The following C6orf52 variants were observed in gnomAD, a reference collection of about 807,000 sequenced individuals.
The protein encoded by C6orf52 is putative uncharacterized protein C6orf52.
In C6orf52, 16 loss-of-function variants were observed where a neutral mutation model predicts 16.6. That is an observed-to-expected ratio of 0.96 (90% CI 0.65 to 1.46). C6orf52 has a LOEUF of 1.46. C6orf52 is among the 40% of genes most tolerant of loss of function. The pLI is 0.00. For missense variants in C6orf52, 166 were observed against 182.3 expected (o/e 0.91, Z 0.52); for synonymous variants, 53 against 61.4 (o/e 0.86, Z 0.64).
chr6:10,694,604 CCGG>C lies in C6orf52; in HGVS notation c.-125_-123del. ...TGCCGGCGCTACAGCCCCTAAGCAA[CCGG>C]CCGGAAGTCGGCCCCACCTCCTCCT... On this transcript the variant is annotated 5_prime_UTR_variant, in exon 1 of 5. Coordinates refer to ENST00000259983, the MANE Select transcript of C6orf52 (RefSeq NM_001145020.3). The C allele has an allele frequency of 1.1e-4, 22 of 196,366 alleles. No individual in the cohort carries two copies. Among genetic ancestry groups the C allele is most frequent in the Admixed American group, 3.8e-4 (7 of 18,282 alleles). The allele number at this position is 196,366 out of a possible 1,614,324, so 12.2% of individuals were successfully genotyped here.
rs1315400068 is a variant in C6orf52, at chr6:10,687,546, G to A, written c.5C>T (p.Ala2Val). 5.2e-6 allele frequency: 8 copies of A among 1,548,496 alleles called. No homozygotes were observed. The highest frequency in any genetic ancestry group is 7.0e-6 in the Non-Finnish European group (8 of 1,144,634). The change falls in exon 2 of 5, where the codon GCC (alanine) becomes GTC (valine). Residue 2 changes from alanine (A) to valine (V), a missense_variant. Transcript: ENST00000259983. Reference sequence around the variant, plus strand: ...AAAATCTGCAGAACTCTCTGGTTGGGCCATTTACCCAGAAACTTTACAAAA... The same window carrying A: ...AAAATCTGCAGAACTCTCTGGTTGGACCATTTACCCAGAAACTTTACAAAA... Reference protein sequence around the residue: MAQPESSADFGI... With the variant: MVQPESSADFGI...
chr6:10,685,671 C>A (rs1162671884), intron 3 of C6orf52, among the ~76,000 whole-genome samples: 1 of 152,130 alleles, frequency 6.6e-6, no homozygotes, highest in Admixed American at 6.5e-5. Context: ...AAGAGGGACA[C>A]AACTCAACAG....
intron 1 of C6orf52, among the ~76,000 whole-genome samples, chr6:10,689,250 C>G (rs1769092107): frequency 6.6e-6 from 1 of 152,202 alleles, no homozygotes; most frequent in East Asian, 1.9e-4. Context: ...GGATTACAGG[C>G]GTGAGCCACC....
chr6:10,681,865 T>C (rs1484017508), intron 4 of C6orf52, among the ~76,000 whole-genome samples: 1 of 152,212 alleles, frequency 6.6e-6, no homozygotes, highest in African/African-American at 2.4e-5. Context: ...CCCAAGTCAT[T>C]GTGCACAGGG....
At chr6:10,688,209 T>TA (rs1561880328) in intron 1 of C6orf52, among the ~76,000 whole-genome samples, 33 of 151,484 alleles carry the variant, frequency 2.2e-4, no homozygotes, top group African/African-American at 2.9e-4. Context: ...GTTTTTTTTT[T>TA]TAAAAAAAGC....
chr6:10,694,850 C>A, upstream of C6orf52: 1 of 637,936 alleles, frequency 1.6e-6, no homozygotes, highest in South Asian at 1.9e-5. Flanking sequence ...GACTTAAAGG[C>A]AGCCCTGGAG....
intron 4 of C6orf52, chr6:10,672,733 C>T: frequency 1.9e-6 from 1 of 513,600 alleles, no homozygotes; most frequent in Non-Finnish European, 3.4e-6. Flanking sequence ...AGTGTGGAAA[C>T]AGCAAGAAGG....
intron 1 of C6orf52, among the ~76,000 whole-genome samples, chr6:10,690,876 A>G (rs1769230440): frequency 6.6e-6 from 1 of 152,198 alleles, no homozygotes; most frequent in Non-Finnish European, 1.5e-5. Flanking sequence ...ATTTACAGGA[A>G]GTTATGCTCA....
intron 4 of C6orf52, among the ~76,000 whole-genome samples, chr6:10,680,994 G>A (rs1228069508): frequency 1.3e-5 from 2 of 152,096 alleles, no homozygotes; most frequent in East Asian, 1.9e-4. Flanking sequence ...TAGAGACAAG[G>A]TCTCACTGTA....
chr6:10,671,565 T>G lies in C6orf52; in HGVS notation c.350A>C (p.Asn117Thr), dbSNP rs773803043. 75 of 1,546,796 alleles carry G rather than the reference T, an allele frequency of 4.8e-5. No homozygotes were observed. Among genetic ancestry groups the G allele is most frequent in the Non-Finnish European group, 6.2e-5 (71 of 1,144,722 alleles). ...TTCACTTTTCACCATAAACTCTTGG[T>G]TTGATTCCTCAATATTCAAATGAAG... ...PHLHLNIEES[N>T]QEFMVKSEEL... The change falls in exon 5 of 5, where the codon AAC becomes ACC. Residue 117 changes from asparagine (N) to threonine (T), a missense_variant. By Grantham distance (65) the Asn-to-Thr change is moderately conservative. Coordinates refer to ENST00000259983, the MANE Select transcript of C6orf52 (RefSeq NM_001145020.3).
intron 4 of C6orf52, chr6:10,674,714 AATCT>A (rs1767721082): frequency 6.6e-6 from 1 of 151,830 alleles, no homozygotes; most frequent in African/African-American, 2.4e-5. Context: ...CAAAAAGTTC[AATCT>A]GTAACTGACT....
chr6:10,678,702 G>A (rs1157785981), intron 4 of C6orf52, among the ~76,000 whole-genome samples: 1 of 152,170 alleles, frequency 6.6e-6, no homozygotes, highest in Non-Finnish European at 1.5e-5. Context: ...CCAGTACTTT[G>A]GGAGGCCGTG....
chr6:10,678,809 A>C (rs1191746781), intron 4 of C6orf52, among the ~76,000 whole-genome samples: 1 of 152,112 alleles, frequency 6.6e-6, no homozygotes, highest in Non-Finnish European at 1.5e-5. Flanking sequence ...AAAAGAACAA[A>C]TTTGGCCAGG....
chr6:10,688,462 C>T (rs563164858), intron 1 of C6orf52, among the ~76,000 whole-genome samples: 2 of 152,302 alleles, frequency 1.3e-5, no homozygotes, highest in Non-Finnish European at 2.9e-5. Flanking sequence ...AATGTATTTA[C>T]TATTTACCTG....
chr6:10,677,373 T>C (rs1327991933), intron 4 of C6orf52, among the ~76,000 whole-genome samples: 3 of 152,160 alleles, frequency 2.0e-5, no homozygotes, highest in Non-Finnish European at 4.4e-5. Context: ...CATTGGTTTA[T>C]GTGTCTGTTA....
Position 10,687,479 on chromosome 6 carries a change from C to T in C6orf52, c.71+1G>A. On this transcript the variant is annotated splice_donor_variant, in intron 2 of 4. Coordinates refer to ENST00000259983, the MANE Select transcript of C6orf52 (RefSeq NM_001145020.3). LOFTEE classifies it high-confidence loss of function. ...TTTCAAAGTAGGAGAAAACCACTCA[C>T]CTTTGCCAGTAGCAGTAATAGTTAT... 3 of 1,543,458 alleles carry T rather than the reference C, an allele frequency of 1.9e-6. No individual in the cohort carries two copies. Among genetic ancestry groups the T allele is most frequent in the South Asian group, 2.4e-5 (2 of 83,856 alleles).
chr6:10,674,371 A>G (rs1208019171), intron 4 of C6orf52, among the ~76,000 whole-genome samples: 2 of 152,206 alleles, frequency 1.3e-5, no homozygotes, highest in East Asian at 3.8e-4. Context: ...AATTTCACCT[A>G]TCTCTTGAGT....
rs527519141 is a variant in C6orf52 at position 10,681,325 on chromosome 6, G to C, written c.316+1862C>G. Reference sequence around the variant, plus strand: ...AGTTGTAATGTCTCCTTTTTCATCTGATTTTGAGTTTCTTTTGTTCTTAAA... The same window carrying C: ...AGTTGTAATGTCTCCTTTTTCATCTCATTTTGAGTTTCTTTTGTTCTTAAA... On this transcript the variant is annotated intron_variant, in intron 4 of 4. Transcript: ENST00000259983. Among the ~76,000 whole-genome samples the C allele has an allele frequency of 8.1e-4, 123 of 152,070 alleles. 1 individual carries two copies. Among genetic ancestry groups the C allele is most frequent in the Non-Finnish European group, 1.0e-3 (69 of 67,954 alleles).
At chr6:10,675,123 T>G (rs1767768573) in intron 4 of C6orf52, among the ~76,000 whole-genome samples, 1 of 152,156 alleles carries the variant, frequency 6.6e-6, no homozygotes. Flanking sequence ...ATAAATCTCT[T>G]GAACGGTATT....
Sources: gnomAD v4.1 joint callset for allele counts (sites outside exome capture counted in the v4.1 genomes callset) on GRCh38, gnomAD v4.1.1 for gene constraint, MANE v1.5 for transcripts, NCBI Gene and HGNC (gene_info 2026-07-23, HGNC 2026-07-21) for gene names.